TSPO: variants seen among roughly 807,000 people sequenced by gnomAD.
The protein encoded by TSPO is benzodiazepine peripheral binding site.
TSPO carries 14 observed loss-of-function variants against 13.9 expected under a neutral mutation model. That is an observed-to-expected ratio of 1.01 (90% confidence interval 0.67 to 1.58). The LOEUF (loss-of-function observed/expected upper bound fraction) is 1.58. Ranked by LOEUF, TSPO falls within the 40% of genes most tolerant of loss-of-function variation. The probability of loss-of-function intolerance (pLI) is 0.00; values close to 1 mark genes in which losing one functional copy is unlikely to be tolerated. For synonymous variants in TSPO, 114 were observed against 105.9 expected, an observed-to-expected ratio of 1.08 and a Z score of -0.47; for missense variants, 232 against 229.6, an observed-to-expected ratio of 1.01 and a Z score of -0.07.
Position 43,163,058 on chromosome 22 carries a change from T to C in TSPO, c.*67T>C. The stretch of plus-strand genomic sequence containing the variant: ...CATCACGCTTGTGATGTGGTGGCCG[T>C]CACGCTTTCATGACCACTGGGCCTG... On this transcript the variant is annotated 3_prime_UTR_variant, in exon 4 of 4. Transcript: ENST00000337554. The C allele has an allele frequency of 1.3e-6, 2 of 1,558,566 alleles. No individual in the cohort carries two copies. The highest frequency in any genetic ancestry group is 1.7e-6 in the Non-Finnish European group (2 of 1,151,962).
rs112069650 is a variant in TSPO, at chr22:43,163,152, C to G, written c.*161C>G. 6.8e-7 allele frequency: 1 copy of G among 1,462,150 alleles called. No individual in the cohort carries two copies. Among genetic ancestry groups the G allele is most frequent in the Non-Finnish European group, 9.0e-7 (1 of 1,109,882 alleles). The allele number at this position is 1,462,150 out of a possible 1,614,324, so 90.6% of individuals were successfully genotyped here. ...AGGTGGCCCCACCTGAGCCCCCACC[C>G]GGGAGCAGTGTCCTGTGCTTTCTGC... is the stretch of plus-strand genomic sequence containing the variant. On this transcript the variant is annotated 3_prime_UTR_variant, in exon 4 of 4. Coordinates refer to ENST00000337554, the MANE Select transcript of TSPO (RefSeq NM_000714.6).
chr22:43,162,969 G>C lies in TSPO; in HGVS notation c.488G>C (p.Gly163Ala). Residue 163 changes from glycine to alanine, a missense_variant, in exon 4 of 4, where the codon GGG becomes GCG. By Grantham distance (60) the Gly-to-Ala change is moderately conservative (BLOSUM62 0). Coordinates refer to ENST00000337554, the MANE Select transcript of TSPO (RefSeq NM_000714.6). Reference protein sequence around the residue: ...CVWRDNHGWRGGRRLPE With the variant: ...CVWRDNHGWRAGRRLPE ...TGGCGGGACAACCATGGCTGGCGTG[G>C]GGGACGGCGGCTGCCAGAGTGAGTG... 6.3e-7 allele frequency: 1 copy of C among 1,585,956 alleles called. No homozygotes were observed. The highest frequency in any genetic ancestry group is 1.1e-5 in the South Asian group (1 of 87,490).
At chr22:43,153,074 TTC>T (rs1340908074) in intron 1 of TSPO, among the ~76,000 whole-genome samples, 6 of 130,266 alleles carry the variant, frequency 4.6e-5, no homozygotes, top group African/African-American at 1.8e-4. Context: ...TTCTTTCTCT[TTC>T]TTTCTTTCTT....
intron 1 of TSPO, among the ~76,000 whole-genome samples, chr22:43,155,947 C>T (rs1176472031): frequency 2.6e-5 from 4 of 152,196 alleles, no homozygotes; most frequent in Admixed American, 6.5e-5. Context: ...TGGTGGGTAC[C>T]GCCCCTGCCC....
At chr22:43,158,944 C>G (rs1297653032) in intron 1 of TSPO, among the ~76,000 whole-genome samples, 1 of 152,074 alleles carries the variant, frequency 6.6e-6, no homozygotes, top group Admixed American at 6.6e-5. Flanking sequence ...GGAGGGGACC[C>G]AAACTGGCCT....
Position 43,162,896 on chromosome 22 carries a change from C to T in TSPO, c.415C>T (p.Pro139Ser), listed in dbSNP as rs757578697. The T allele has an allele frequency of 7.6e-6, 12 of 1,587,130 alleles. No homozygotes were observed. The highest frequency in any genetic ancestry group is 1.0e-5 in the Non-Finnish European group (12 of 1,167,364). The change falls in exon 4 of 4, where the codon CCC becomes TCC. Residue 139 changes from proline (P) to serine (S), a missense_variant. By Grantham distance (74) the Pro-to-Ser change is moderately conservative. Transcript: ENST00000337554. Reference sequence around the variant, plus strand: ...CCCGCTGGCCGCCCGCCTGCTCTACCCCTACCTGGCCTGGCTGGCCTTCAC... The same window carrying T: ...CCCGCTGGCCGCCCGCCTGCTCTACTCCTACCTGGCCTGGCTGGCCTTCAC... ...VSPLAARLLY[P>S]YLAWLAFTTT... is the part of the protein sequence containing the mutation.
At position 43,153,376 on chromosome 22, in the gene TSPO, G is replaced by A. The variant is rs1457115325; in HGVS notation, c.-30+1772G>A. Among the ~76,000 whole-genome samples the A allele has an allele frequency of 7.8e-5, 2 of 25,564 alleles. 1 individual carries two copies. The highest frequency in any genetic ancestry group is 1.6e-4 in the Non-Finnish European group (2 of 12,210). The allele number at this position is 25,564 out of a possible 152,430, so 16.8% of individuals were successfully genotyped here. ...TTTTTTTTTTTTGAGACGGAGTCTC[G>A]CTCTGTCGCCCAGGCCGGACTGCGG... On this transcript the variant is annotated intron_variant, in intron 1 of 3. Coordinates refer to ENST00000337554, the MANE Select transcript of TSPO (RefSeq NM_000714.6).
In TSPO at chr22:43,162,909, G is replaced by T; in HGVS notation, c.428G>T (p.Trp143Leu). 6.3e-7 allele frequency: 1 copy of T among 1,592,472 alleles called. No homozygotes were observed. Among genetic ancestry groups the T allele is most frequent in the South Asian group, 1.1e-5 (1 of 87,762 alleles). The change falls in exon 4 of 4, where the codon TGG becomes TTG. Residue 143 changes from tryptophan to leucine, a missense_variant. Transcript: ENST00000337554. Reference protein sequence around the residue: ...AARLLYPYLAWLAFTTTLNYC... With the variant: ...AARLLYPYLALLAFTTTLNYC... Reference sequence around the variant, plus strand: ...CGCCTGCTCTACCCCTACCTGGCCTGGCTGGCCTTCACGACCACACTCAAC... The same window carrying T: ...CGCCTGCTCTACCCCTACCTGGCCTTGCTGGCCTTCACGACCACACTCAAC...
chr22:43,156,134 G>C (rs9333322), intron 1 of TSPO, among the ~76,000 whole-genome samples: 41 of 152,374 alleles, frequency 2.7e-4, no homozygotes, highest in Admixed American at 2.7e-3. Flanking sequence ...GCCTGAGAAG[G>C]GGGCAGCCTG....
intron 2 of TSPO, 76 bp from the exon 3 acceptor site, chr22:43,160,976 C>G: frequency 6.5e-7 from 1 of 1,532,284 alleles, no homozygotes; most frequent in East Asian, 2.3e-5. Flanking sequence ...TATGAACCAT[C>G]ACTGTGCCAC....
chr22:43,158,731 ATG>A (rs1182488434), intron 1 of TSPO, among the ~76,000 whole-genome samples: 1 of 152,156 alleles, frequency 6.6e-6, no homozygotes, highest in African/African-American at 2.4e-5. Flanking sequence ...CCCTGAGTTG[ATG>A]TGATTTGCCT....
chr22:43,162,507 G>A (rs1931474558), intron 3 of TSPO, among the ~76,000 whole-genome samples: 1 of 152,144 alleles, frequency 6.6e-6, no homozygotes, highest in East Asian at 1.9e-4. Flanking sequence ...GAGAGGGGAA[G>A]GGACGTGCAA....
rs547804156 is a variant in TSPO, at chr22:43,158,180, G to C, written c.-29-1030G>C. ...CGCTTGGCTGCCTCCATGTCCCCTGGACTGCTTGTCTCTCGTGTTCCCCTG... is the reference window on the plus strand; with the variant it reads ...CGCTTGGCTGCCTCCATGTCCCCTGCACTGCTTGTCTCTCGTGTTCCCCTG... On this transcript the variant is annotated intron_variant, in intron 1 of 3. Coordinates refer to ENST00000337554, the MANE Select transcript of TSPO (RefSeq NM_000714.6). Among the ~76,000 whole-genome samples, 8 of 152,256 alleles carry C rather than the reference G, an allele frequency of 5.3e-5. No individual in the cohort carries two copies. In the East Asian group the frequency reaches 1.5e-3, roughly 29 times the overall value.
intron 3 of TSPO, among the ~76,000 whole-genome samples, chr22:43,162,047 T>A (rs1022637597): frequency 4.0e-5 from 6 of 151,762 alleles, no homozygotes; most frequent in Non-Finnish European, 5.9e-5. Flanking sequence ...ACCTCCCAGG[T>A]TCAAGTGATT....
chr22:43,162,268 C>A (rs1232418352), intron 3 of TSPO, among the ~76,000 whole-genome samples: 1 of 152,134 alleles, frequency 6.6e-6, no homozygotes, highest in Non-Finnish European at 1.5e-5. Flanking sequence ...ACTACAGGCA[C>A]GTGCTACCAC....
At chr22:43,154,021 T>C (rs980360813) in intron 1 of TSPO, among the ~76,000 whole-genome samples, 1 of 152,204 alleles carries the variant, frequency 6.6e-6, no homozygotes, top group African/African-American at 2.4e-5. Flanking sequence ...GGAAGTAGTC[T>C]TTCTTAACAG....
chr22:43,159,477 G>T, intron 2 of TSPO, 57 bp downstream of exon 2: 1 of 1,373,470 alleles, frequency 7.3e-7, no homozygotes, highest in Admixed American at 3.1e-5. Context: ...GGGGAGGCCT[G>T]GCCCAGGACA....
chr22:43,159,134 G>A (rs989864725), intron 1 of TSPO, 76 bp from the exon 2 acceptor site: 75 of 1,202,684 alleles, frequency 6.2e-5, no homozygotes, highest in South Asian at 3.0e-4. Context: ...CAGGCCTTTC[G>A]GGGATGCTGG....
At chr22:43,159,151 C>T in intron 1 of TSPO, 59 bp from the exon 2 acceptor site, 6 of 1,317,752 alleles carry the variant, frequency 4.6e-6, no homozygotes, top group Non-Finnish European at 5.0e-6. Context: ...CTGGAGGAGA[C>T]ACGGGCCTGA....
Sources: allele counts gnomAD v4.1 joint callset (sites outside exome capture counted in the v4.1 genomes callset), GRCh38; gene constraint gnomAD v4.1.1; transcripts MANE v1.5; gene names NCBI Gene and HGNC (gene_info 2026-07-23, HGNC 2026-07-21).